The following DTNB variants were observed in gnomAD, a reference collection of about 807,000 sequenced individuals.
DTNB encodes the protein DTN-B.
Under a neutral mutation model 90.7 loss-of-function variants are expected in DTNB, and 63 were observed. That is an observed-to-expected ratio of 0.69 (90% CI 0.57 to 0.86). The LOEUF is 0.86. Among genes scored for constraint, DTNB ranks in the 40% least tolerant of loss-of-function variants. The pLI is 0.00. For synonymous variants in DTNB, 277 were observed against 286.7 expected, an observed-to-expected ratio of 0.97 and a Z score of 0.34; for missense variants, 744 against 807.1, an observed-to-expected ratio of 0.92 and a Z score of 0.95.
chr2:25,460,626 G>A (rs1453532864), intron 10 of DTNB, among the ~76,000 whole-genome samples: 4 of 152,082 alleles, frequency 2.6e-5, no homozygotes, highest in Non-Finnish European at 4.4e-5. Flanking sequence ...AGAAAGGAGA[G>A]ATCTATGTCA....
chr2:25,521,406 T>A (rs1264886441), intron 9 of DTNB, among the ~76,000 whole-genome samples: 1 of 148,860 alleles, frequency 6.7e-6, no homozygotes, highest in African/African-American at 2.5e-5. Flanking sequence ...TTTTTTTTTT[T>A]AAGACAGAGT....
At chr2:25,540,900 A>ACACAAACTT (rs2081088448) in intron 8 of DTNB, among the ~76,000 whole-genome samples, 2 of 152,094 alleles carry the variant, frequency 1.3e-5, no homozygotes, top group Non-Finnish European at 2.9e-5. Flanking sequence ...GGACACAAAC[A>ACACAAACTT]CTGCGGAAGG....
intron 3 of DTNB, among the ~76,000 whole-genome samples, chr2:25,631,917 G>C (rs577747909): frequency 1.2e-4 from 19 of 152,044 alleles, no homozygotes; most frequent in Admixed American, 1.0e-3. Flanking sequence ...ATCCTTGGCC[G>C]GGCACAGTGG....
At chr2:25,607,106 G>T in intron 5 of DTNB, 130 bp downstream of exon 5, 1 of 940,104 alleles carries the variant, frequency 1.1e-6, no homozygotes, top group African/African-American at 1.7e-5. Context: ...CTGTGAGCCA[G>T]CTGCTGCAGC....
In DTNB at chr2:25,423,352, T is replaced by C. The variant is rs563618661; in HGVS notation, c.1555-3817A>G. 9.8e-5 allele frequency among the ~76,000 whole-genome samples: 15 copies of C among 152,354 alleles called. No homozygotes were observed. In the South Asian group the frequency reaches 2.9e-3, roughly 29 times the overall value. On this transcript the variant is annotated intron_variant, in intron 15 of 20. Transcript: ENST00000406818. The stretch of plus-strand genomic sequence containing the variant: ...GAAACAAAAAAATTAATTTTAACCC[T>C]GCTTTATTCCAAAAAAGGATTAAGA...
At chr2:25,627,080 G>T in intron 4 of DTNB, among the ~76,000 whole-genome samples, 1 of 152,134 alleles carries the variant, frequency 6.6e-6, no homozygotes, top group Admixed American at 6.5e-5. Flanking sequence ...ACTATGTTCT[G>T]CAATGAAAAA....
chr2:25,638,368 T>G (rs1659144978), intron 3 of DTNB, among the ~76,000 whole-genome samples: 1 of 152,148 alleles, frequency 6.6e-6, no homozygotes, highest in African/African-American at 2.4e-5. Flanking sequence ...AAAAAATAAA[T>G]AAATAAAAAC....
intron 9 of DTNB, among the ~76,000 whole-genome samples, chr2:25,494,864 C>T (rs1032757894): frequency 1.6e-4 from 24 of 150,828 alleles, no homozygotes; most frequent in African/African-American, 4.9e-4. Context: ...TCACAGTTAG[C>T]GCTAGGAGGG....
chr2:25,522,566 T>C (rs549994631), intron 9 of DTNB, among the ~76,000 whole-genome samples: 15 of 152,296 alleles, frequency 9.8e-5, no homozygotes, highest in African/African-American at 3.4e-4. Flanking sequence ...TTAACTTTAT[T>C]TGAAGGAAAA....
At chr2:25,414,184 G>A (rs2047307983) in intron 16 of DTNB, among the ~76,000 whole-genome samples, 1 of 152,062 alleles carries the variant, frequency 6.6e-6, no homozygotes, top group East Asian at 1.9e-4. Context: ...TTAGCCCTTT[G>A]TCAGATGAGT....
At chr2:25,482,149 T>A (rs1045441423) in intron 10 of DTNB, among the ~76,000 whole-genome samples, 3 of 152,230 alleles carry the variant, frequency 2.0e-5, no homozygotes, top group South Asian at 4.1e-4. Flanking sequence ...CTCTGGGTCA[T>A]GGAACAGCTT....
intron 4 of DTNB, among the ~76,000 whole-genome samples, chr2:25,621,523 C>A (rs568670233): frequency 6.7e-6 from 1 of 150,118 alleles, no homozygotes; most frequent in African/African-American, 2.4e-5. Context: ...CTCAGCTCAC[C>A]GCAACTTCCG....
At chr2:25,514,007 A>G (rs1364037705) in intron 9 of DTNB, among the ~76,000 whole-genome samples, 2 of 152,046 alleles carry the variant, frequency 1.3e-5, no homozygotes, top group Non-Finnish European at 2.9e-5. Context: ...TGGGGAAAAA[A>G]AAAAAAAAAG....
rs761127075 is a variant in DTNB, at chr2:25,446,445, G to A, written c.1257+5103C>T. On this transcript the variant is annotated intron_variant, in intron 12 of 20. Coordinates refer to ENST00000406818, the MANE Select transcript of DTNB (RefSeq NM_021907.5). The stretch of plus-strand genomic sequence containing the variant: ...TAACTTTTCATCTTTTAGTAGAGAC[G>A]AGGTCTCACTATGTTGCTGAGACTG... Among the ~76,000 whole-genome samples the A allele has an allele frequency of 1.6e-4, 25 of 151,786 alleles. 1 individual carries two copies. Among genetic ancestry groups the A allele is most frequent in the Non-Finnish European group, 2.9e-4 (20 of 67,978 alleles).
At chr2:25,636,979 C>T (rs57481215) in intron 3 of DTNB, among the ~76,000 whole-genome samples, 67,136 of 151,592 alleles carry the variant, frequency 0.44, 15,935 homozygotes, top group East Asian at 0.77. Flanking sequence ...TCAGCTGTAA[C>T]GTGATTTGCC....
intron 2 of DTNB, chr2:25,639,322 A>G: frequency 2.6e-6 from 1 of 380,314 alleles, no homozygotes; most frequent in Non-Finnish European, 4.8e-6. Flanking sequence ...CTGTCTGCTC[A>G]TCGGAGAAAA....
intron 15 of DTNB, among the ~76,000 whole-genome samples, chr2:25,420,257 A>G (rs1172284439): frequency 8.0e-6 from 1 of 124,650 alleles, no homozygotes; most frequent in African/African-American, 3.0e-5. Flanking sequence ...GCTTTCAGGC[A>G]CAGTCTTTTT....
intron 14 of DTNB, among the ~76,000 whole-genome samples, chr2:25,432,455 G>A (rs146453984): frequency 4.0e-4 from 61 of 152,316 alleles, no homozygotes; most frequent in Non-Finnish European, 8.1e-4. Context: ...GATGCGCACA[G>A]GAAGCATCCT....
chr2:25,512,665 T>A (rs1222728625), intron 9 of DTNB, among the ~76,000 whole-genome samples: 1 of 152,160 alleles, frequency 6.6e-6, no homozygotes, highest in African/African-American at 2.4e-5. Flanking sequence ...CTTGGAGGGT[T>A]TAAGGAAGGT....
Sources: allele counts gnomAD v4.1 joint callset (sites outside exome capture counted in the v4.1 genomes callset), GRCh38; gene constraint gnomAD v4.1.1; transcripts MANE v1.5; gene names NCBI Gene and HGNC (gene_info 2026-07-23, HGNC 2026-07-21).